The following HERC2 variants were observed in gnomAD, a reference collection of about 807,000 sequenced individuals.
HERC2 encodes E3 ubiquitin-protein ligase HERC2.
A neutral mutation model predicts 537.7 loss-of-function variants in HERC2; 102 were observed. The ratio of observed to expected loss-of-function variants is 0.19; its 90% CI spans 0.16 to 0.22. The LOEUF is 0.22. Among genes scored for constraint, HERC2 ranks in the 10% least tolerant of loss-of-function variants. The probability of loss-of-function intolerance (pLI) is 1.00; values close to 1 mark genes in which losing one functional copy is unlikely to be tolerated. For synonymous variants in HERC2, 2,224 were observed against 2,466.2 expected (o/e 0.90, Z 2.91); for missense variants, 4,236 against 6,198.2 (o/e 0.68, Z 10.63).
intron 15 of HERC2, among the ~76,000 whole-genome samples, chr15:28,262,534 A>G (rs1016351638): frequency 1.3e-5 from 2 of 152,100 alleles, no homozygotes; most frequent in African/African-American, 4.8e-5. Context: ...CCACCTCCCA[A>G]TGTGGCTCCA....
At chr15:28,152,205 T>A (rs1303866678) in intron 70 of HERC2, among the ~76,000 whole-genome samples, 2 of 152,238 alleles carry the variant, frequency 1.3e-5, no homozygotes, top group Non-Finnish European at 2.9e-5. Context: ...AGTCAGCAGA[T>A]CCAGGCTGCA....
Position 28,146,363 on chromosome 15 carries a change from C to T in HERC2, c.10901-19G>A. 1.3e-6 allele frequency: 2 copies of T among 1,545,728 alleles called. No homozygotes were observed. Among genetic ancestry groups the T allele is most frequent in the Admixed American group, 1.7e-5 (1 of 59,876 alleles). ...TCTGCACCTGAAGGACAGGCAAGCA[C>T]AAAACATAGCAACCACTCCAGATCA... is the stretch of plus-strand genomic sequence containing the variant. On this transcript the variant is annotated intron_variant, in intron 70 of 92. Coordinates refer to ENST00000261609, the MANE Select transcript of HERC2 (RefSeq NM_004667.6).
chr15:28,138,336 A>G (rs544710577), intron 78 of HERC2, among the ~76,000 whole-genome samples: 32 of 152,342 alleles, frequency 2.1e-4, no homozygotes, highest in African/African-American at 7.7e-4. Context: ...TTTCATAGCT[A>G]GAGAGAAGTC....
chr15:28,157,488 C>A (rs1185205340), intron 69 of HERC2, among the ~76,000 whole-genome samples: 1 of 152,076 alleles, frequency 6.6e-6, no homozygotes, highest in Non-Finnish European at 1.5e-5. Context: ...TGTATGTGTC[C>A]AGGAATTTAT....
intron 2 of HERC2, among the ~76,000 whole-genome samples, chr15:28,318,272 C>T (rs2077142656): frequency 6.6e-6 from 1 of 152,108 alleles, no homozygotes; most frequent in Admixed American, 6.6e-5. Flanking sequence ...TAACGTATTA[C>T]TCTTTACGAG....
chr15:28,246,643 TAG>T (rs1903734815), intron 22 of HERC2, 97 bp downstream of exon 22: 1 of 1,080,430 alleles, frequency 9.3e-7, no homozygotes, highest in Non-Finnish European at 1.3e-6. Flanking sequence ...CCAGAAAATT[TAG>T]AGAGTAAATG....
intron 20 of HERC2, among the ~76,000 whole-genome samples, chr15:28,251,411 C>T (rs1224284748): frequency 2.0e-5 from 3 of 150,454 alleles, no homozygotes; most frequent in South Asian, 2.1e-4. Flanking sequence ...CCACTGCACT[C>T]CAGTCTGGGC....
chr15:28,208,414 C>T (rs1280670017), intron 44 of HERC2, among the ~76,000 whole-genome samples: 1 of 152,088 alleles, frequency 6.6e-6, no homozygotes, highest in African/African-American at 2.4e-5. Context: ...CCTTCTTTCC[C>T]TTTTCATGCC....
At position 28,268,919 on chromosome 15, in the gene HERC2, C is replaced by T. The variant is rs538369930; in HGVS notation, c.1447-303G>A. ...ACCTCGCTTTAATGAAAACATGCCACGTCCCAATTTGCCACTATCCCCACG... is the reference window on the plus strand; with the variant it reads ...ACCTCGCTTTAATGAAAACATGCCATGTCCCAATTTGCCACTATCCCCACG... On this transcript the variant is annotated intron_variant, in intron 11 of 92. Coordinates refer to ENST00000261609, the MANE Select transcript of HERC2 (RefSeq NM_004667.6). The surrounding 1 kb of genome is among the most constrained non-coding windows in gnomAD (Gnocchi z 4.7). 1.1e-4 allele frequency among the ~76,000 whole-genome samples: 16 copies of T among 152,270 alleles called. No homozygotes were observed. Among genetic ancestry groups the T allele is most frequent in the African/African-American group, 3.6e-4 (15 of 41,566 alleles).
chr15:28,291,466 G>A (rs76539705), intron 4 of HERC2, among the ~76,000 whole-genome samples: 3,199 of 152,158 alleles, frequency 0.021, 104 homozygotes, highest in African/African-American at 0.073. Context: ...TATCCACACC[G>A]AAGGGATAAT....
chr15:28,271,828 C>T (rs1218597533), intron 9 of HERC2, among the ~76,000 whole-genome samples: 1 of 152,220 alleles, frequency 6.6e-6, no homozygotes, highest in Non-Finnish European at 1.5e-5. Flanking sequence ...CACGCCTGCT[C>T]CTCCCTCAGC....
chr15:28,160,110 G>GT (rs1430812214), intron 69 of HERC2, among the ~76,000 whole-genome samples: 1 of 152,194 alleles, frequency 6.6e-6, no homozygotes, highest in Non-Finnish European at 1.5e-5. Context: ...TCTCAGAGGG[G>GT]TACCCGGCCG....
At chr15:28,288,291 C>T (rs1269080232) in intron 4 of HERC2, among the ~76,000 whole-genome samples, 1 of 151,722 alleles carries the variant, frequency 6.6e-6, no homozygotes, top group Admixed American at 6.6e-5. Flanking sequence ...TTTGGGAGGC[C>T]GAGGTGGGTG....
At position 28,122,273 on chromosome 15, in the gene HERC2, C is replaced by T. The variant is rs1171025190; in HGVS notation, c.13189-844G>A. 6.6e-6 allele frequency among the ~76,000 whole-genome samples: 1 copy of T among 152,226 alleles called. No homozygotes were observed. The highest frequency in any genetic ancestry group is 1.5e-5 in the Non-Finnish European group (1 of 68,034). On this transcript the variant is annotated intron_variant, in intron 85 of 92. Coordinates refer to ENST00000261609, the MANE Select transcript of HERC2 (RefSeq NM_004667.6). This position sits in a 1 kb window ranked among gnomAD's most constrained non-coding sequence, Gnocchi z 4.1. The stretch of plus-strand genomic sequence containing the variant: ...GCCCGTGGGGAAAGGGCAGAGGATG[C>T]GGCACGCAGCCGTGCCAATGGAAAG...
At chr15:28,158,958 C>T (rs1208557133) in intron 69 of HERC2, among the ~76,000 whole-genome samples, 3 of 152,096 alleles carry the variant, frequency 2.0e-5, no homozygotes, top group Non-Finnish European at 4.4e-5. Context: ...TCAGCATTTG[C>T]TTGTCTGTAA....
chr15:28,280,310 A>C (rs2075988802), intron 4 of HERC2, 23 bp from the exon 5 acceptor site: 1 of 1,571,806 alleles, frequency 6.4e-7, no homozygotes, highest in South Asian at 1.1e-5. Context: ...ACAAGAAAAC[A>C]TCTCACCTGT....
At chr15:28,191,472 C>T (rs750910316) in intron 53 of HERC2, among the ~76,000 whole-genome samples, 26 of 152,144 alleles carry the variant, frequency 1.7e-4, no homozygotes, top group Admixed American at 1.4e-3. Flanking sequence ...TATCTATATA[C>T]TCCTGGCCTA....
intron 3 of HERC2, among the ~76,000 whole-genome samples, chr15:28,295,693 C>T (rs376318971): frequency 4.6e-5 from 7 of 152,088 alleles, no homozygotes; most frequent in African/African-American, 4.8e-5. Context: ...CCACCACGCC[C>T]GGCCACCGTA....
Position 28,196,498 on chromosome 15 carries a change from C to T in HERC2, c.8083G>A (p.Glu2695Lys). Residue 2695 changes from glutamate (E) to lysine (K), a missense_variant, in exon 51 of 93, where the codon GAA (glutamate) becomes AAA (lysine). Glu to Lys is a moderately conservative substitution (Grantham distance 56). Transcript: ENST00000261609. The part of the protein sequence containing the change: ...QQSHWTGLLS[E>K]MELVPSIHPG... ...TGAATACTGGGTACCAACTCCATTTCTGATAGCAACCCAGTCCAGTGAGAC... is the reference window on the plus strand; with the variant it reads ...TGAATACTGGGTACCAACTCCATTTTTGATAGCAACCCAGTCCAGTGAGAC... 6.2e-7 allele frequency: 1 copy of T among 1,613,644 alleles called. No homozygotes were observed. Among genetic ancestry groups the T allele is most frequent in the Non-Finnish European group, 8.5e-7 (1 of 1,179,594 alleles).
Sources: allele counts gnomAD v4.1 joint callset (sites outside exome capture counted in the v4.1 genomes callset), GRCh38; gene constraint gnomAD v4.1.1; non-coding constraint Gnocchi (gnomAD v3.1); transcripts MANE v1.5; gene names NCBI Gene and HGNC (gene_info 2026-07-23, HGNC 2026-07-21).